The following FILIP1L variants were observed in gnomAD, a reference collection of about 807,000 sequenced individuals.
FILIP1L encodes the protein filamin A-interacting protein 1-like.
A neutral mutation model predicts 96.6 loss-of-function variants in FILIP1L; 55 were observed. The observed-to-expected ratio is 0.57, with a 90% CI of 0.46 to 0.71. The LOEUF is 0.71. FILIP1L is among the 30% of genes least tolerant of loss of function. The pLI is 0.00. For synonymous variants in FILIP1L, 467 were observed against 473.9 expected (o/e 0.99, Z 0.19); for missense variants, 1,304 against 1,321.2 (o/e 0.99, Z 0.20).
chr3:99,983,482 A>ATG lies in FILIP1L; in HGVS notation c.-10-52453_-10-52452insCA, dbSNP rs1709226461. 7.9e-4 allele frequency among the ~76,000 whole-genome samples: 17 copies of ATG among 21,584 alleles called. 2 individuals carry two copies. The highest frequency in any genetic ancestry group is 4.4e-3 in the East Asian group (1 of 228). The allele number at this position is 21,584 out of a possible 152,430, so 14.2% of individuals were successfully genotyped here. On this transcript the variant is annotated intron_variant, in intron 1 of 5. Coordinates refer to ENST00000477258, the MANE Select transcript of FILIP1L (RefSeq NM_001387850.1). The stretch of plus-strand genomic sequence containing the variant: ...TATGTGTGTATATATATATATATAT[A>ATG]TATATATATATATATATATATATAT...
intron 5 of FILIP1L, among the ~76,000 whole-genome samples, chr3:99,842,565 G>C (rs1943182949): frequency 6.7e-6 from 1 of 150,218 alleles, no homozygotes; most frequent in African/African-American, 2.4e-5. Flanking sequence ...GGACCATTTG[G>C]CTATGAGGAG....
Position 99,930,021 on chromosome 3 carries a change from A to G in FILIP1L, c.261T>C (p.Asp87=). 3 of 1,605,008 alleles carry G rather than the reference A, an allele frequency of 1.9e-6. No homozygotes were observed. The highest frequency in any genetic ancestry group is 2.5e-6 in the Non-Finnish European group (3 of 1,176,610). The change falls in exon 3 of 6, where the codon GAT becomes GAC. Residue 87 remains aspartate (D), a synonymous_variant. Transcript: ENST00000477258. ...SILEGELQAR[D]EVIGILKAEK... ...CAGCCTTTAAAATGCCTATGACCTC[A>G]TCTCGAGCCTGTAGGAACAAAAAGT... is the stretch of plus-strand genomic sequence containing the variant.
chr3:100,014,907 T>C (rs1478152596), intron 1 of FILIP1L, among the ~76,000 whole-genome samples: 1 of 143,724 alleles, frequency 7.0e-6, no homozygotes, highest in Non-Finnish European at 1.5e-5. Context: ...TTTTTTTTTT[T>C]TTTTTTTTTT....
In FILIP1L at chr3:99,829,731, G is replaced by T. The variant is rs900081618; in HGVS notation, c.*683C>A. Among the ~76,000 whole-genome samples the T allele has an allele frequency of 4.6e-5, 7 of 152,252 alleles. No individual in the cohort carries two copies. The highest frequency in any genetic ancestry group is 2.6e-4 in the Admixed American group (4 of 15,304). On this transcript the variant is annotated 3_prime_UTR_variant, in exon 6 of 6. Coordinates refer to ENST00000477258, the MANE Select transcript of FILIP1L (RefSeq NM_001387850.1). ...AATTCTGTATTTTTTCAAGCACCTGGAATATTGATTCATGTCTCCCTAAAA... is the reference window on the plus strand; with the variant it reads ...AATTCTGTATTTTTTCAAGCACCTGTAATATTGATTCATGTCTCCCTAAAA...
At chr3:100,021,960 T>TGTGTGAGAGAGAGAGAGAGAGA (rs1321185364) in intron 1 of FILIP1L, among the ~76,000 whole-genome samples, 1 of 93,290 alleles carries the variant, frequency 1.1e-5, no homozygotes, top group African/African-American at 4.0e-5. Context: ...TGTGTGTGTG[T>TGTGTGAGAGAGAGAGAGAGAGA]GAGAGAGAGA....
intron 1 of FILIP1L, chr3:100,041,513 C>T (rs1559736605): frequency 6.6e-6 from 1 of 151,968 alleles, no homozygotes; most frequent in Non-Finnish European, 1.5e-5. Context: ...TACAAAAAAG[C>T]AAAGAATGTG....
chr3:99,847,199 TA>T (rs1044031540), intron 5 of FILIP1L, among the ~76,000 whole-genome samples: 1 of 151,458 alleles, frequency 6.6e-6, no homozygotes, highest in African/African-American at 2.4e-5. Context: ...TTTGCTTGTT[TA>T]AAAAAAACTG....
In FILIP1L at chr3:100,062,093, C is replaced by CTTTTT. The variant is rs71907944; in HGVS notation, c.-11+51955_-11+51959dup. ...CCACTTGTGGTTATCCTGTCTTCTT[C>CTTTTT]TTTTTTTTTTTTTTTTTTTTTTTTT... On this transcript the variant is annotated intron_variant, in intron 1 of 5. Coordinates refer to ENST00000477258, the MANE Select transcript of FILIP1L (RefSeq NM_001387850.1). Among the ~76,000 whole-genome samples, 34 of 53,182 alleles carry CTTTTT rather than the reference C, an allele frequency of 6.4e-4. 9 individuals carry two copies. The highest frequency in any genetic ancestry group is 2.1e-3 in the African/African-American group (24 of 11,244). 34.9% of individuals were successfully genotyped at this position (53,182 alleles called of 152,430 possible).
At chr3:100,029,886 A>C (rs956056413) in intron 1 of FILIP1L, among the ~76,000 whole-genome samples, 3 of 152,210 alleles carry the variant, frequency 2.0e-5, no homozygotes, top group Non-Finnish European at 4.4e-5. Context: ...ACTATATGTC[A>C]TCTGGAAAGC....
chr3:99,995,099 C>T (rs144215262), intron 1 of FILIP1L, among the ~76,000 whole-genome samples: 1 of 152,256 alleles, frequency 6.6e-6, no homozygotes, highest in Admixed American at 6.5e-5. Context: ...AGTCCAAAGT[C>T]TCATCTGAGA....
intron 1 of FILIP1L, among the ~76,000 whole-genome samples, chr3:100,095,656 A>C (rs1443909907): frequency 2.6e-5 from 4 of 152,186 alleles, no homozygotes; most frequent in African/African-American, 2.4e-5. Flanking sequence ...AAGACTTCAG[A>C]CTTTGAAACT....
intron 1 of FILIP1L, among the ~76,000 whole-genome samples, chr3:99,957,073 C>A (rs1559702995): frequency 6.6e-6 from 1 of 152,172 alleles, no homozygotes; most frequent in Non-Finnish European, 1.5e-5. Context: ...CTTAACCCTG[C>A]TTAACATACT....
chr3:99,988,339 TCCA>T (rs1709409249), intron 1 of FILIP1L, among the ~76,000 whole-genome samples: 2 of 28,348 alleles, frequency 7.1e-5, no homozygotes, highest in Non-Finnish European at 1.0e-4. Flanking sequence ...CTACTAAAAA[TCCA>T]AAAAAAAAAA....
intron 4 of FILIP1L, among the ~76,000 whole-genome samples, chr3:99,884,163 G>C (rs1049102803): frequency 4.6e-5 from 7 of 152,114 alleles, no homozygotes; most frequent in Non-Finnish European, 7.4e-5. Flanking sequence ...TATGCATATG[G>C]GAAAAGCTCA....
At chr3:99,871,473 C>T (rs545044063) in intron 4 of FILIP1L, among the ~76,000 whole-genome samples, 63 of 152,140 alleles carry the variant, frequency 4.1e-4, no homozygotes, top group South Asian at 8.3e-4. Context: ...AGTTTATAGT[C>T]CAAGAGACAG....
chr3:100,061,667 T>G (rs2107345952), intron 1 of FILIP1L, among the ~76,000 whole-genome samples: 1 of 152,322 alleles, frequency 6.6e-6, no homozygotes, highest in African/African-American at 2.4e-5. Context: ...GCTAAGTGCT[T>G]TACACATATG....
At position 99,904,748 on chromosome 3, in the gene FILIP1L, C is replaced by T. The variant is rs147304437; in HGVS notation, c.605+19482G>A. Among the ~76,000 whole-genome samples, 9 of 152,262 alleles carry T rather than the reference C, an allele frequency of 5.9e-5. No homozygotes were observed. The East Asian group carries it at 1.2e-3, about 20-fold the overall frequency. ...GCCTCCCACACCCACTTCTCTTCTG[C>T]GAGACTTCGTTCTATCCATCCTCTT... is the stretch of plus-strand genomic sequence containing the variant. On this transcript the variant is annotated intron_variant, in intron 4 of 5. Coordinates refer to ENST00000477258, the MANE Select transcript of FILIP1L (RefSeq NM_001387850.1).
intron 1 of FILIP1L, among the ~76,000 whole-genome samples, chr3:100,059,460 G>A (rs372483602): frequency 3.2e-4 from 48 of 152,236 alleles, no homozygotes; most frequent in African/African-American, 1.2e-3. Context: ...TTTCATTCAG[G>A]AAGCATTTTT....
At position 99,849,588 on chromosome 3, in the gene FILIP1L, G is replaced by A; in HGVS notation, c.2088C>T (p.Ser696=). Residue 696 remains serine, a synonymous_variant, in exon 5 of 6, where the codon AGC becomes AGT. Transcript: ENST00000477258. ...KYKLAEKTET[S]HEQWLFKRLQ... ...GCCTTTTGAAAAGCCATTGTTCATG[G>A]CTGGTCTCTGTCTTTTCTGCTAACT... 1.2e-6 allele frequency: 2 copies of A among 1,613,512 alleles called. No individual in the cohort carries two copies. The highest frequency in any genetic ancestry group is 1.7e-6 in the Non-Finnish European group (2 of 1,179,976).
Sources: allele counts gnomAD v4.1 joint callset (sites outside exome capture counted in the v4.1 genomes callset), GRCh38; gene constraint gnomAD v4.1.1; transcripts MANE v1.5; gene names NCBI Gene and HGNC (gene_info 2026-07-23, HGNC 2026-07-21).